Variants in FGFR2 observed in about 807,000 individuals in gnomAD.
FGFR2 encodes the protein fibroblast growth factor receptor 2.
A neutral mutation model predicts 95.9 loss-of-function variants in FGFR2; 19 were observed. That is an observed-to-expected ratio of 0.20 (90% CI 0.14 to 0.29). The LOEUF is 0.29. FGFR2 is among the 10% of genes least tolerant of loss of function. FGFR2 has a pLI of 1.00. For missense variants in FGFR2, 707 were observed against 1,056.9 expected (o/e 0.67, Z 4.59); for synonymous variants, 392 against 393.3 (o/e 1.00, Z 0.04).
intron 2 of FGFR2, 194 bp from the exon 3 acceptor site, chr10:121,565,898 A>AC: frequency 1.6e-6 from 1 of 642,886 alleles, no homozygotes; most frequent in Non-Finnish European, 2.7e-6. Flanking sequence ...ACCAGAGGAT[A>AC]CCCCCAGAAA....
rs1862172535 is a variant in FGFR2, at chr10:121,588,568, T to G, written c.109+5141A>C. Among the ~76,000 whole-genome samples the G allele has an allele frequency of 2.0e-5, 3 of 151,988 alleles. No homozygotes were observed. In the South Asian group the frequency reaches 6.2e-4, roughly 32 times the overall value. Reference sequence around the variant, plus strand: ...AAAGTAGAGCCATCTCTAAATCTCATGGGATACAGCAAAAATCTCTAAATC... The same window carrying G: ...AAAGTAGAGCCATCTCTAAATCTCAGGGGATACAGCAAAAATCTCTAAATC... On this transcript the variant is annotated intron_variant, in intron 2 of 17. Transcript: ENST00000358487.
chr10:121,585,604 T>C (rs907560743), intron 2 of FGFR2, among the ~76,000 whole-genome samples: 1 of 152,204 alleles, frequency 6.6e-6, no homozygotes, highest in Non-Finnish European at 1.5e-5. Context: ...CAGTAGATAG[T>C]AGAGAGATTC....
chr10:121,559,562 T>A (rs888039347), intron 4 of FGFR2, among the ~76,000 whole-genome samples: 1 of 152,216 alleles, frequency 6.6e-6, no homozygotes, highest in Non-Finnish European at 1.5e-5. Flanking sequence ...TCACTTTAAA[T>A]AGCATCTAAT....
intron 7 of FGFR2, 33 bp downstream of exon 7, chr10:121,519,946 T>G (rs774579192): frequency 6.2e-7 from 1 of 1,608,336 alleles, no homozygotes; most frequent in Non-Finnish European, 8.5e-7. Context: ...GAGACCCCAG[T>G]TGTGGGTACC....
Position 121,479,424 on chromosome 10 carries a change from TA to T in FGFR2, c.*432del. 2.7e-6 allele frequency: 1 copy of T among 376,042 alleles called. No homozygotes were observed. The highest frequency in any genetic ancestry group is 4.6e-6 in the Non-Finnish European group (1 of 218,346). 23.3% of individuals were successfully genotyped at this position (376,042 alleles called of 1,614,324 possible). A position where few individuals can be genotyped will look rare whatever the true frequency, so the allele number is the denominator to read the frequency against. ...AATCAATACAAAAAATAACTCCTTG[TA>T]AATATATAATATATATTTATACATA... On this transcript the variant is annotated 3_prime_UTR_variant, in exon 18 of 18. Transcript: ENST00000358487.
chr10:121,480,039 A>G lies in FGFR2; in HGVS notation c.2302-18T>C. 6.2e-7 allele frequency: 1 copy of G among 1,610,262 alleles called. No homozygotes were observed. ...AAGTATTCCTGAAAGAAGGGAAGAG[A>G]GACGTTTTATTTCATCTTGGGTCAG... On this transcript the variant is annotated intron_variant, in intron 17 of 17. Coordinates refer to ENST00000358487, the MANE Select transcript of FGFR2 (RefSeq NM_000141.5).
intron 5 of FGFR2, among the ~76,000 whole-genome samples, 169 bp downstream of exon 5, chr10:121,551,121 G>A (rs1468389170): frequency 1.3e-5 from 2 of 152,120 alleles, no homozygotes; most frequent in African/African-American, 2.4e-5. Context: ...TCGGGAGGCT[G>A]AGGCAGGAGA....
Position 121,551,305 on chromosome 10 carries a change from G to A in FGFR2, c.609C>T (p.Arg203=), listed in dbSNP as rs1231721691. The A allele has an allele frequency of 6.2e-7, 1 of 1,614,078 alleles. No homozygotes were observed. Among genetic ancestry groups the A allele is most frequent in the African/African-American group, 1.3e-5 (1 of 74,938 alleles). The part of the protein sequence containing the change: ...KNGKEFKQEH[R]IGGYKVRNQH... ...TTAATTCTACCTTGTAGCCTCCAATGCGATGCTCCTGCTTAAACTCCTTCC... is the reference window on the plus strand; with the variant it reads ...TTAATTCTACCTTGTAGCCTCCAATACGATGCTCCTGCTTAAACTCCTTCC... The change falls in exon 5 of 18, where the codon CGC becomes CGT. Residue 203 remains arginine (R), a synonymous_variant. Transcript: ENST00000358487.
chr10:121,559,469 C>T (rs926679860), intron 4 of FGFR2, among the ~76,000 whole-genome samples: 6 of 152,220 alleles, frequency 3.9e-5, no homozygotes, highest in East Asian at 1.9e-4. Context: ...TAATCTCAGC[C>T]GCCCCAGGCT....
chr10:121,507,220 T>C (rs768183362), intron 9 of FGFR2, among the ~76,000 whole-genome samples: 2 of 152,194 alleles, frequency 1.3e-5, no homozygotes, highest in African/African-American at 2.4e-5. Flanking sequence ...CTGTCCCAGT[T>C]TGAGCACTCA....
At chr10:121,524,925 T>C (rs1022323067) in intron 6 of FGFR2, among the ~76,000 whole-genome samples, 1 of 152,240 alleles carries the variant, frequency 6.6e-6, no homozygotes, top group Non-Finnish European at 1.5e-5. Flanking sequence ...GTATTATCTC[T>C]GGGCGAGAGA....
intron 2 of FGFR2, among the ~76,000 whole-genome samples, chr10:121,582,577 C>T (rs1861110354): frequency 6.6e-6 from 1 of 151,954 alleles, no homozygotes; most frequent in South Asian, 2.1e-4. Flanking sequence ...GGTGGATCAC[C>T]CGAGGTCAAG....
rs1263068985 is a variant in FGFR2 at position 121,480,938 on chromosome 10, G to T, written c.2302-917C>A. ...TTGAAAAAAAAAATCAAAAGAAGAA[G>T]AATATCTTATAGGATTAAAATGAAT... is the stretch of plus-strand genomic sequence containing the variant. On this transcript the variant is annotated intron_variant, in intron 17 of 17. Coordinates refer to ENST00000358487, the MANE Select transcript of FGFR2 (RefSeq NM_000141.5). Among the ~76,000 whole-genome samples, 8 of 151,732 alleles carry T rather than the reference G, an allele frequency of 5.3e-5. No individual in the cohort carries two copies. The East Asian group carries it at 1.2e-3, about 22-fold the overall frequency.
At chr10:121,561,367 T>C (rs1239836613) in intron 4 of FGFR2, among the ~76,000 whole-genome samples, 1 of 146,712 alleles carries the variant, frequency 6.8e-6, no homozygotes, top group African/African-American at 2.5e-5. Context: ...GGGGCTGCGG[T>C]GAGCTGAGAT....
At position 121,551,475 on chromosome 10, in the gene FGFR2, G is replaced by A. The variant is rs2134844827; in HGVS notation, c.455-16C>T. On this transcript the variant is annotated splice_polypyrimidine_tract_variant and intron_variant, in intron 4 of 17. Coordinates refer to ENST00000358487, the MANE Select transcript of FGFR2 (RefSeq NM_000141.5). ...TATGGTGCTCCTGTTTTGGAAAACA[G>A]TATTAGAATGTATACTGATGGACAG... The A allele has an allele frequency of 6.2e-7, 1 of 1,612,938 alleles. No homozygotes were observed. The highest frequency in any genetic ancestry group is 8.5e-7 in the Non-Finnish European group (1 of 1,179,210).
chr10:121,543,722 A>G (rs1306069653), intron 5 of FGFR2, among the ~76,000 whole-genome samples: 3 of 152,190 alleles, frequency 2.0e-5, no homozygotes, highest in Non-Finnish European at 2.9e-5. Flanking sequence ...CAACATTGAT[A>G]CAAGAAGTTT....
intron 5 of FGFR2, 35 bp from the exon 6 acceptor site, chr10:121,538,750 A>G: frequency 6.2e-7 from 1 of 1,614,086 alleles, no homozygotes; most frequent in Non-Finnish European, 8.5e-7. Flanking sequence ...TTATTTAACA[A>G]TCCTAGCACA....
At chr10:121,588,897 G>C (rs898672712) in intron 2 of FGFR2, among the ~76,000 whole-genome samples, 1 of 152,006 alleles carries the variant, frequency 6.6e-6, no homozygotes, top group Admixed American at 6.6e-5. Context: ...CTGGGTGGCA[G>C]ATCAAGACTC....
chr10:121,505,458 A>T (rs1430283671), intron 9 of FGFR2, among the ~76,000 whole-genome samples: 1 of 152,226 alleles, frequency 6.6e-6, no homozygotes, highest in East Asian at 1.9e-4. Context: ...TATGAGCAAC[A>T]TTTATTCATT....
Sources: gnomAD v4.1 joint callset for allele counts (sites outside exome capture counted in the v4.1 genomes callset) on GRCh38, gnomAD v4.1.1 for gene constraint, MANE v1.5 for transcripts, NCBI Gene and HGNC (gene_info 2026-07-23, HGNC 2026-07-21) for gene names.